Variants in AGBL1 observed in about 807,000 individuals in gnomAD.
The protein encoded by AGBL1 is cytosolic carboxypeptidase 4.
In AGBL1, 130 loss-of-function variants were observed where a neutral mutation model predicts 118.9. The observed-to-expected ratio is 1.09, with a 90% CI of 0.95 to 1.26. The LOEUF is 1.26. Ranked by LOEUF, AGBL1 falls within the 50% of genes most tolerant of loss-of-function variation. AGBL1 has a pLI of 0.00. For missense variants in AGBL1, 1,584 were observed against 1,298.1 expected (o/e 1.22, Z -3.38); for synonymous variants, 555 against 478.9 (o/e 1.16, Z -2.08).
intron 1 of AGBL1, among the ~76,000 whole-genome samples, chr15:86,123,602 C>G (rs1898224196): frequency 6.6e-6 from 1 of 152,198 alleles, no homozygotes; most frequent in African/African-American, 2.4e-5. Context: ...TAGATAATAA[C>G]TCTTCCAATA....
At position 86,258,197 on chromosome 15, in the gene AGBL1, T is replaced by C. The variant is rs542241355; in HGVS notation, c.969+166T>C. ...AGTAAATGATAGCTACTGTTATTGA[T>C]TTCCAAGTTGTCATTTTCATCTTGG... On this transcript the variant is annotated intron_variant, in intron 9 of 22. Coordinates refer to ENST00000614907, the MANE Select transcript of AGBL1 (RefSeq NM_001386094.1). Among the ~76,000 whole-genome samples the C allele has an allele frequency of 5.6e-4, 86 of 152,352 alleles. 1 individual carries two copies. The South Asian group carries it at 1.0e-2, about 18-fold the overall frequency.
At chr15:86,146,373 G>C (rs1008086699) in intron 3 of AGBL1, among the ~76,000 whole-genome samples, 1 of 152,168 alleles carries the variant, frequency 6.6e-6, no homozygotes, top group African/African-American at 2.4e-5. Context: ...AAGGTCTGAG[G>C]ATGTGTGTAG....
intron 19 of AGBL1, among the ~76,000 whole-genome samples, chr15:86,525,579 A>G (rs2083252362): frequency 6.6e-6 from 1 of 152,166 alleles, no homozygotes; most frequent in Non-Finnish European, 1.5e-5. Flanking sequence ...AGATAAAGCC[A>G]GCCACCTACA....
rs201951464 is a variant in AGBL1, at chr15:86,402,565, A to G, written c.2555+5019A>G. On this transcript the variant is annotated intron_variant, in intron 18 of 22. Coordinates refer to ENST00000614907, the MANE Select transcript of AGBL1 (RefSeq NM_001386094.1). ...GAAATGTCCTGTGTGTTGTCTGATC[A>G]GTAAAGAGACAATCCTTGCATAAAG... Among the ~76,000 whole-genome samples the G allele has an allele frequency of 2.6e-5, 4 of 152,296 alleles. No homozygotes were observed. The East Asian group carries it at 7.7e-4, about 29-fold the overall frequency.
chr15:86,231,329 C>T lies in AGBL1; in HGVS notation c.526+6378C>T, dbSNP rs1193617701. Among the ~76,000 whole-genome samples, 4 of 152,248 alleles carry T rather than the reference C, an allele frequency of 2.6e-5. No homozygotes were observed. In the East Asian group the frequency reaches 7.7e-4, roughly 29 times the overall value. ...GCCTCACACATTTGCTTTCAGTATG[C>T]CTTGGTGAAGAGTCCAGCCTAATTC... On this transcript the variant is annotated intron_variant, in intron 6 of 22. Transcript: ENST00000614907.
chr15:86,526,076 A>G (rs980640845), intron 19 of AGBL1, among the ~76,000 whole-genome samples: 2 of 152,206 alleles, frequency 1.3e-5, no homozygotes, highest in Non-Finnish European at 2.9e-5. Flanking sequence ...GATATTTCTC[A>G]AAAGAAGTTA....
chr15:87,029,337 A>G (rs550702773), downstream of AGBL1, among the ~76,000 whole-genome samples: 3 of 152,028 alleles, frequency 2.0e-5, no homozygotes, highest in South Asian at 2.1e-4. Context: ...TGGAACATCC[A>G]TCAATTTAAA....
chr15:86,127,119 A>G (rs1307399927), intron 1 of AGBL1, among the ~76,000 whole-genome samples: 3 of 152,212 alleles, frequency 2.0e-5, no homozygotes, highest in Non-Finnish European at 4.4e-5. Flanking sequence ...AAGGGGGAAA[A>G]CTACAGGAAT....
At position 86,570,805 on chromosome 15, in the gene AGBL1, G is replaced by T. The variant is rs1018198223; in HGVS notation, c.2994+16268G>T. ...TGGCTGGAAACCTCTGTGGCTGGAG[G>T]CATCTTTGCCCAAGTTTTGCTTGGG... On this transcript the variant is annotated intron_variant, in intron 21 of 22. Coordinates refer to ENST00000614907, the MANE Select transcript of AGBL1 (RefSeq NM_001386094.1). Among the ~76,000 whole-genome samples, 4 of 152,302 alleles carry T rather than the reference G, an allele frequency of 2.6e-5. No individual in the cohort carries two copies. In the East Asian group the frequency reaches 7.7e-4, roughly 29 times the overall value.
chr15:86,438,657 C>CTTTTTTTTTTTTTTT (rs35937855), intron 18 of AGBL1, among the ~76,000 whole-genome samples: 3 of 131,618 alleles, frequency 2.3e-5, no homozygotes, highest in African/African-American at 2.9e-5. Context: ...TAATCTGTCT[C>CTTTTTTTTTTTTTTT]TTTTTTTTTT....
chr15:86,345,408 G>A (rs927451090), intron 17 of AGBL1, among the ~76,000 whole-genome samples: 6 of 152,126 alleles, frequency 3.9e-5, no homozygotes, highest in African/African-American at 1.4e-4. Context: ...ACTGTGCTAG[G>A]CACAAAGAAT....
intron 23 of AGBL1, among the ~76,000 whole-genome samples, chr15:86,958,363 G>A (rs1226765597): frequency 6.6e-6 from 1 of 152,088 alleles, no homozygotes; most frequent in Non-Finnish European, 1.5e-5. Context: ...CCTCTGGAGG[G>A]TAAAATGTCC....
intron 22 of AGBL1, among the ~76,000 whole-genome samples, chr15:86,771,141 G>A (rs1032277258): frequency 3.3e-5 from 5 of 151,980 alleles, no homozygotes; most frequent in African/African-American, 7.2e-5. Context: ...AAAAGATTAC[G>A]CACCGGACTT....
chr15:86,815,314 A>G (rs775089858), intron 22 of AGBL1, among the ~76,000 whole-genome samples: 1 of 152,326 alleles, frequency 6.6e-6, no homozygotes, highest in Non-Finnish European at 1.5e-5. Context: ...TGCCAGAATT[A>G]GATGAGTTGG....
In AGBL1 at chr15:86,908,262, A is replaced by G. The variant is rs1353780498; in HGVS notation, c.*968A>G. The G allele has an allele frequency of 6.6e-6, 1 of 152,204 alleles. No homozygotes were observed. Among genetic ancestry groups the G allele is most frequent in the Non-Finnish European group, 1.5e-5 (1 of 68,042 alleles). 9.4% of individuals were successfully genotyped at this position (152,204 alleles called of 1,614,324 possible). A position where few individuals can be genotyped will look rare whatever the true frequency, so the allele number is the denominator to read the frequency against. On this transcript the variant is annotated 3_prime_UTR_variant, in exon 23 of 23. Coordinates refer to ENST00000614907, the MANE Select transcript of AGBL1 (RefSeq NM_001386094.1). ...TTATTTTTCTTCATAACACAAAAGA[A>G]CATTCTATATAAGAATTCTGACAGT...
chr15:87,021,347 T>C (rs1051887327), intron 24 of AGBL1, among the ~76,000 whole-genome samples: 3 of 152,144 alleles, frequency 2.0e-5, no homozygotes, highest in African/African-American at 4.8e-5. Flanking sequence ...TAACTCAAGA[T>C]GGTTTAAAGA....
At chr15:86,602,654 A>G (rs958868209) in intron 21 of AGBL1, among the ~76,000 whole-genome samples, 1 of 152,314 alleles carries the variant, frequency 6.6e-6, no homozygotes, top group Admixed American at 6.5e-5. Flanking sequence ...TTGTGAAATC[A>G]TAATTATGAT....
intron 17 of AGBL1, among the ~76,000 whole-genome samples, chr15:86,376,105 G>T (rs2081038256): frequency 6.6e-6 from 1 of 152,210 alleles, no homozygotes; most frequent in East Asian, 1.9e-4. Flanking sequence ...TTTTAGCTGA[G>T]AATATGGTAT....
chr15:86,463,631 G>T (rs573003200), intron 18 of AGBL1, among the ~76,000 whole-genome samples: 2 of 152,122 alleles, frequency 1.3e-5, no homozygotes, highest in African/African-American at 4.8e-5. Flanking sequence ...TTGTAAGGAA[G>T]GGGTCCAGTT....
Sources: gnomAD v4.1 joint callset for allele counts (sites outside exome capture counted in the v4.1 genomes callset) on GRCh38, gnomAD v4.1.1 for gene constraint, MANE v1.5 for transcripts, NCBI Gene and HGNC (gene_info 2026-07-23, HGNC 2026-07-21) for gene names.